The following PTPRM variants were observed in gnomAD, a reference collection of about 807,000 sequenced individuals.
PTPRM encodes the protein protein tyrosine phosphatase receptor type M, also known as receptor-type tyrosine-protein phosphatase mu.
PTPRM carries 47 observed loss-of-function variants against 186.7 expected under a neutral mutation model. The observed-to-expected ratio is 0.25, with a 90% CI of 0.20 to 0.32. The LOEUF is 0.32. Ranked by LOEUF, PTPRM falls within the 10% of genes least tolerant of loss-of-function variation. The pLI, the probability that PTPRM is intolerant of heterozygous loss-of-function variation, is 1.00. For synonymous variants in PTPRM, 668 were observed against 674.9 expected, an observed-to-expected ratio of 0.99 and a Z score of 0.16; for missense variants, 1,494 against 1,865.0, an observed-to-expected ratio of 0.80 and a Z score of 3.66.
intron 2 of PTPRM, among the ~76,000 whole-genome samples, chr18:7,796,363 C>T (rs1053507083): frequency 6.6e-6 from 1 of 152,138 alleles, no homozygotes; most frequent in East Asian, 1.9e-4. Flanking sequence ...CATGCGTAAC[C>T]TATAAGAGTA....
At chr18:7,928,657 G>A (rs1414769352) in intron 5 of PTPRM, among the ~76,000 whole-genome samples, 1 of 152,012 alleles carries the variant, frequency 6.6e-6, no homozygotes, top group Non-Finnish European at 1.5e-5. Context: ...TATTACTTGA[G>A]AGAATACAAT....
intron 14 of PTPRM, among the ~76,000 whole-genome samples, chr18:8,226,310 T>A (rs2147114084): frequency 7.7e-6 from 1 of 129,096 alleles, no homozygotes; most frequent in East Asian, 2.5e-4. Context: ...ATAAATAGCA[T>A]GTAAAGGCCA....
chr18:8,373,083 T>C (rs2095673456), intron 24 of PTPRM, among the ~76,000 whole-genome samples: 1 of 152,224 alleles, frequency 6.6e-6, no homozygotes. Context: ...AGCTTGTTAA[T>C]GCATTTGGGG....
At chr18:7,974,781 C>T (rs1253704395) in intron 7 of PTPRM, among the ~76,000 whole-genome samples, 1 of 152,184 alleles carries the variant, frequency 6.6e-6, no homozygotes, top group Non-Finnish European at 1.5e-5. Flanking sequence ...TAGAATGTAA[C>T]TTTTTTCTTT....
chr18:8,118,975 A>G (rs2092071052), intron 13 of PTPRM, among the ~76,000 whole-genome samples: 2 of 151,754 alleles, frequency 1.3e-5, no homozygotes. Flanking sequence ...CTAGAAGTCA[A>G]AGCAAAAACT....
intron 1 of PTPRM, among the ~76,000 whole-genome samples, chr18:7,591,986 G>A (rs2037137751): frequency 1.3e-5 from 2 of 150,532 alleles, no homozygotes; most frequent in South Asian, 4.3e-4. Context: ...TGATAATTCT[G>A]TTCCCAGAAA....
chr18:7,910,900 G>A (rs570363650), intron 4 of PTPRM, among the ~76,000 whole-genome samples: 16 of 152,200 alleles, frequency 1.1e-4, no homozygotes, highest in African/African-American at 3.6e-4. Flanking sequence ...TCGGCCTCAG[G>A]TTCCTTGCCT....
intron 7 of PTPRM, among the ~76,000 whole-genome samples, chr18:8,030,645 A>T (rs2085902962): frequency 6.6e-6 from 1 of 152,208 alleles, no homozygotes; most frequent in South Asian, 2.1e-4. Flanking sequence ...TTCTGTGTAG[A>T]GCACAGATGG....
intron 1 of PTPRM, among the ~76,000 whole-genome samples, chr18:7,647,635 C>T (rs1335443071): frequency 6.6e-6 from 1 of 152,214 alleles, no homozygotes. Flanking sequence ...CTGGTCATGC[C>T]CATAGCCAGC....
chr18:7,993,687 G>T (rs913465163), intron 7 of PTPRM, among the ~76,000 whole-genome samples: 5 of 152,082 alleles, frequency 3.3e-5, no homozygotes, highest in African/African-American at 1.2e-4. Context: ...AAACTGATGG[G>T]ATTTGTCACC....
intron 14 of PTPRM, among the ~76,000 whole-genome samples, chr18:8,145,056 T>A (rs1303455928): frequency 6.6e-6 from 1 of 152,126 alleles, no homozygotes; most frequent in Non-Finnish European, 1.5e-5. Flanking sequence ...AATATAACTC[T>A]AACGTTAGGA....
At chr18:7,814,342 A>G (rs1443589986) in intron 2 of PTPRM, 1 of 152,256 alleles carries the variant, frequency 6.6e-6, no homozygotes, top group Non-Finnish European at 1.5e-5. Context: ...CCACGGTAAA[A>G]TTATGGCTTA....
intron 14 of PTPRM, among the ~76,000 whole-genome samples, chr18:8,164,020 A>G (rs1487213887): frequency 6.6e-6 from 1 of 152,238 alleles, no homozygotes; most frequent in Non-Finnish European, 1.5e-5. Context: ...TGTGCAAGTA[A>G]CAATCTAGTT....
intron 2 of PTPRM, among the ~76,000 whole-genome samples, chr18:7,813,392 G>A (rs1230853529): frequency 6.6e-6 from 1 of 152,178 alleles, no homozygotes; most frequent in African/African-American, 2.4e-5. Context: ...AAGACAGAGT[G>A]CATCATTTAT....
At chr18:7,808,493 C>T (rs2044348480) in intron 2 of PTPRM, among the ~76,000 whole-genome samples, 1 of 152,196 alleles carries the variant, frequency 6.6e-6, no homozygotes, top group South Asian at 2.1e-4. Flanking sequence ...GAAAACATAG[C>T]CTGCCTTTCT....
intron 7 of PTPRM, among the ~76,000 whole-genome samples, chr18:8,023,874 A>ACACACACACACACACACG (rs2085392788): frequency 1.4e-5 from 2 of 142,126 alleles, no homozygotes; most frequent in African/African-American, 5.1e-5. Flanking sequence ...ACACACACGC[A>ACACACACACACACACACG]CACCCCTCCT....
chr18:7,859,015 A>T (rs1437055777), intron 2 of PTPRM, among the ~76,000 whole-genome samples: 1 of 152,242 alleles, frequency 6.6e-6, no homozygotes, highest in African/African-American at 2.4e-5. Context: ...CAGTCAGTGC[A>T]TTCTGGGGTT....
At chr18:7,783,067 A>C (rs2145104198) in intron 2 of PTPRM, among the ~76,000 whole-genome samples, 1 of 152,324 alleles carries the variant, frequency 6.6e-6, no homozygotes, top group South Asian at 2.1e-4. Flanking sequence ...TTTCCCATAA[A>C]ATTGTACAAG....
rs374824565 is a variant in PTPRM at position 8,394,623 on chromosome 18, C to G, written c.4344+12C>G. 22 of 1,601,210 alleles carry G rather than the reference C, an allele frequency of 1.4e-5. No homozygotes were observed. The highest frequency in any genetic ancestry group is 1.2e-4 in the Admixed American group (7 of 58,706). On this transcript the variant is annotated intron_variant, in intron 32 of 32. Transcript: ENST00000580170. Reference sequence around the variant, plus strand: ...TGGTCGACCTCCTGGTAGGACACCCCCTCTGAGCTGTTCCATGAGACACCC... The same window carrying G: ...TGGTCGACCTCCTGGTAGGACACCCGCTCTGAGCTGTTCCATGAGACACCC...
Sources: gnomAD v4.1 joint callset for allele counts (sites outside exome capture counted in the v4.1 genomes callset) on GRCh38, gnomAD v4.1.1 for gene constraint, MANE v1.5 for transcripts, NCBI Gene and HGNC (gene_info 2026-07-23, HGNC 2026-07-21) for gene names.